The following VBP1 variants were observed in gnomAD, a reference collection of about 807,000 sequenced individuals.
VBP1 encodes the protein prefoldin subunit 3.
Under a neutral mutation model 15.5 loss-of-function variants are expected in VBP1, and 4 were observed. The ratio of observed to expected loss-of-function variants is 0.26; its 90% CI spans 0.13 to 0.59. VBP1 has a LOEUF of 0.59. Ranked by LOEUF, VBP1 falls within the 20% of genes least tolerant of loss-of-function variation. The pLI, the probability that VBP1 is intolerant of heterozygous loss-of-function variation, is 0.90. For missense variants in VBP1, 108 were observed against 139.6 expected (o/e 0.77, Z 1.14); for synonymous variants, 61 against 52.1 (o/e 1.17, Z -0.74).
chrX:155,219,021 T>TA (rs2074677349), intron 1 of VBP1, among the ~76,000 whole-genome samples: 1 of 112,161 alleles, frequency 8.9e-6, no homozygotes, highest in Non-Finnish European at 1.9e-5. Context: ...CATCTCTCTT[T>TA]AACATACAGA....
chrX:155,215,653 A>G (rs782353587), upstream of VBP1, among the ~76,000 whole-genome samples: 8 of 112,430 alleles, frequency 7.1e-5, no homozygotes, highest in Non-Finnish European at 1.5e-4. Context: ...TCTTAGGCTC[A>G]TGGTAGAATT....
chrX:155,201,446 C>A (rs2074603493), intron 1 of VBP1, among the ~76,000 whole-genome samples: 1 of 96,767 alleles, frequency 1.0e-5, no homozygotes, highest in African/African-American at 4.1e-5. Flanking sequence ...GGATGCAAGG[C>A]TGGTTCAATA....
chrX:155,237,240 C>G (rs1017296492), intron 5 of VBP1, among the ~76,000 whole-genome samples: 22 of 111,187 alleles, frequency 2.0e-4, no homozygotes, highest in African/African-American at 7.2e-4. Context: ...CACAGTCACT[C>G]AAGACAAAAT....
chrX:155,234,504 C>T (rs782077157), intron 4 of VBP1, among the ~76,000 whole-genome samples: 175 of 111,384 alleles, frequency 1.6e-3, no homozygotes, highest in African/African-American at 5.3e-3. Context: ...ACTATTCACA[C>T]GCAAAGCATT....
At chrX:155,213,948 G>C (rs1230569729), upstream of VBP1, among the ~76,000 whole-genome samples, 1 of 111,935 alleles carries the variant, frequency 8.9e-6, no homozygotes, top group Non-Finnish European at 1.9e-5. Flanking sequence ...AGCCATTGTG[G>C]GAGTATCCAG....
Position 155,223,726 on chromosome X carries a change from G to A in VBP1, c.218+3419G>A, listed in dbSNP as rs188003097. ...GAGCTGTTGGGTACACCTCCCAGAC[G>A]GGGTGGCGGCCGGGCAGAGGGGCTC... On this transcript the variant is annotated intron_variant, in intron 2 of 5. Transcript: ENST00000286428. Among the ~76,000 whole-genome samples the A allele has an allele frequency of 8.0e-4, 90 of 112,692 alleles. 1 individual carries two copies. The highest frequency in any genetic ancestry group is 2.6e-3 in the African/African-American group (80 of 31,047).
Position 155,220,170 on chromosome X carries a change from T to G in VBP1, c.94-13T>G, listed in dbSNP as rs2074682654. On this transcript the variant is annotated splice_polypyrimidine_tract_variant and intron_variant, in intron 1 of 5. Coordinates refer to ENST00000286428, the MANE Select transcript of VBP1 (RefSeq NM_003372.7). ...ATTCTAAAATTTGTAAAGTATTATT[T>G]TTGATATTAAAGGAAGATGTAGATT... 3 of 1,190,748 alleles carry G rather than the reference T, an allele frequency of 2.5e-6. No homozygotes were observed. Among genetic ancestry groups the G allele is most frequent in the Admixed American group, 2.3e-5 (1 of 42,688 alleles).
At chrX:155,214,560 ATTTTGTTTTG>A (rs201160814), upstream of VBP1, among the ~76,000 whole-genome samples, 1,022 of 111,569 alleles carry the variant, frequency 9.2e-3, 15 homozygotes, top group African/African-American at 0.031. Flanking sequence ...TTTTCTTTAC[ATTTTGTTTTG>A]TTTTGTTTCA....
At chrX:155,216,919 G>A (rs1453195945) in intron 1 of VBP1, among the ~76,000 whole-genome samples, 1 of 112,329 alleles carries the variant, frequency 8.9e-6, no homozygotes, top group Non-Finnish European at 1.9e-5. Flanking sequence ...GAGGTGGTGA[G>A]GAGCTCTCGA....
In VBP1 at chrX:155,239,781, T is replaced by C. The variant is rs1445548006; in HGVS notation, c.*939T>C. The C allele has an allele frequency of 8.9e-6, 1 of 112,541 alleles. No homozygotes were observed. 9.3% of individuals were successfully genotyped at this position (112,541 alleles called of 1,213,427 possible). A position where few individuals can be genotyped will look rare whatever the true frequency, so the allele number is the denominator to read the frequency against. On this transcript the variant is annotated 3_prime_UTR_variant, in exon 6 of 6. Coordinates refer to ENST00000286428, the MANE Select transcript of VBP1 (RefSeq NM_003372.7). ...GTATACTTATACAATGTTTTGTACT[T>C]GTATTTCATGAAATTAAAACAGTGA...
At chrX:155,223,116 G>GTTTTTTTTTTTT (rs781808891) in intron 2 of VBP1, among the ~76,000 whole-genome samples, 1 of 64,362 alleles carries the variant, frequency 1.6e-5, no homozygotes, top group Non-Finnish European at 3.0e-5. Flanking sequence ...TAGCCTTTTT[G>GTTTTTTTTTTTT]TTTTTTTTTT....
intron 5 of VBP1, among the ~76,000 whole-genome samples, chrX:155,236,662 A>G (rs1245132288): frequency 8.9e-6 from 1 of 112,668 alleles, no homozygotes; most frequent in African/African-American, 3.2e-5. Flanking sequence ...TTAGGCTAAT[A>G]TAAAGGTTAT....
rs782661740 is a variant in VBP1 at position 155,216,582 on chromosome X, G to T, written c.93+7G>T. 8.6e-7 allele frequency: 1 copy of T among 1,168,561 alleles called. No homozygotes were observed. On this transcript the variant is annotated splice_region_variant and intron_variant, in intron 1 of 5. Coordinates refer to ENST00000286428, the MANE Select transcript of VBP1 (RefSeq NM_003372.7). The stretch of plus-strand genomic sequence containing the variant: ...TCCTGAGGCCGTGTTTGTGGTAAGA[G>T]GCACGCTGTTCCCTGGCATCTTGGC...
intron 1 of VBP1, among the ~76,000 whole-genome samples, chrX:155,199,409 C>G (rs1279114052): frequency 9.0e-6 from 1 of 111,682 alleles, no homozygotes; most frequent in Admixed American, 9.5e-5. Context: ...CAGCGGATCT[C>G]TCGGCAGAAA....
intron 5 of VBP1, among the ~76,000 whole-genome samples, chrX:155,238,482 A>G (rs2074784232): frequency 8.9e-6 from 1 of 112,426 alleles, no homozygotes; most frequent in Non-Finnish European, 1.9e-5. Flanking sequence ...GAGAGTGTCT[A>G]GTACATATTT....
chrX:155,228,865 G>A (rs2074732390), intron 4 of VBP1, among the ~76,000 whole-genome samples: 1 of 112,372 alleles, frequency 8.9e-6, no homozygotes. Flanking sequence ...TCCCATAAGA[G>A]TTTAATAATT....
intron 1 of VBP1, 110 bp downstream of exon 1, chrX:155,216,685 A>G (rs1557309061): frequency 9.6e-7 from 1 of 1,043,429 alleles, no homozygotes; most frequent in East Asian, 3.4e-5. Flanking sequence ...CCAAGTGTTC[A>G]GGGAGGGGGC....
At chrX:155,235,144 G>GTT (rs2074766201) in intron 4 of VBP1, among the ~76,000 whole-genome samples, 1 of 109,205 alleles carries the variant, frequency 9.2e-6, no homozygotes, top group Non-Finnish European at 1.9e-5. Flanking sequence ...GTGTGTGTGT[G>GTT]TAGTATGTGC....
At chrX:155,202,694 A>G (rs1431859444) in intron 1 of VBP1, among the ~76,000 whole-genome samples, 1 of 106,786 alleles carries the variant, frequency 9.4e-6, no homozygotes, top group Non-Finnish European at 1.9e-5. Context: ...GGACATAGGC[A>G]TGGGCAAGGA....
Sources: allele counts gnomAD v4.1 joint callset (sites outside exome capture counted in the v4.1 genomes callset), GRCh38; gene constraint gnomAD v4.1.1; transcripts MANE v1.5; gene names NCBI Gene and HGNC (gene_info 2026-07-23, HGNC 2026-07-21).